The following PLSCR4 variants were observed in gnomAD, a reference collection of about 807,000 sequenced individuals.
PLSCR4 encodes phospholipid scramblase 4, also known as Ca(2+)-dependent phospholipid scramblase 4.
Under a neutral mutation model 36.3 loss-of-function variants are expected in PLSCR4, and 25 were observed. The observed-to-expected ratio is 0.69, with a 90% CI of 0.50 to 0.96. The LOEUF is 0.96. Ranked by LOEUF, PLSCR4 falls within the 40% of genes least tolerant of loss-of-function variation. The pLI is 0.00. For missense variants in PLSCR4, 408 were observed against 414.7 expected (o/e 0.98, Z 0.14); for synonymous variants, 122 against 132.9 (o/e 0.92, Z 0.56).
chr3:146,233,308 T>A (rs73865368), intron 1 of PLSCR4, among the ~76,000 whole-genome samples: 1,686 of 152,214 alleles, frequency 0.011, 33 homozygotes, highest in African/African-American at 0.038. Flanking sequence ...ATTTAATATG[T>A]TAAATTATTT....
At chr3:146,223,656 A>G (rs2108298716) in intron 1 of PLSCR4, 1 of 152,230 alleles carries the variant, frequency 6.6e-6, no homozygotes, top group South Asian at 2.1e-4. Flanking sequence ...ACGAGCCAGT[A>G]TGCAGATTCC....
In PLSCR4 at chr3:146,206,597, C is replaced by A. The variant is rs768117831; in HGVS notation, c.283G>T (p.Val95Phe). Residue 95 changes from valine (V) to phenylalanine (F), a missense_variant, in exon 4 of 9, where the codon GTT becomes TTT. Coordinates refer to ENST00000354952, the MANE Select transcript of PLSCR4 (RefSeq NM_020353.3). ...PGKYPMPNQS[V>F]PITWMPGPTP... ...GGCCCTGGCATCCATGTTATTGGAACAGACTGATTTGGCATAGGATATTTG... is the reference window on the plus strand; with the variant it reads ...GGCCCTGGCATCCATGTTATTGGAAAAGACTGATTTGGCATAGGATATTTG... 1 of 1,613,600 alleles carries A rather than the reference C, an allele frequency of 6.2e-7. No homozygotes were observed. Among genetic ancestry groups the A allele is most frequent in the Admixed American group, 1.7e-5 (1 of 59,920 alleles).
intron 3 of PLSCR4, among the ~76,000 whole-genome samples, chr3:146,219,481 A>G (rs2035043058): frequency 2.0e-5 from 3 of 152,230 alleles, no homozygotes; most frequent in Admixed American, 1.3e-4. Context: ...AGGTTGCGCT[A>G]TTAATGCAGT....
chr3:146,228,119 TG>T (rs1167458156), intron 1 of PLSCR4, among the ~76,000 whole-genome samples: 2 of 152,226 alleles, frequency 1.3e-5, no homozygotes, highest in Non-Finnish European at 2.9e-5. Flanking sequence ...TGATGATGGC[TG>T]GATCAACCTC....
chr3:146,244,704 T>G (rs904951749), intron 1 of PLSCR4, among the ~76,000 whole-genome samples: 3 of 152,050 alleles, frequency 2.0e-5, no homozygotes, highest in Non-Finnish European at 4.4e-5. Flanking sequence ...CCCTATTCCC[T>G]GAGACAAAAC....
At chr3:146,245,233 T>G (rs191160117) in intron 1 of PLSCR4, among the ~76,000 whole-genome samples, 79 of 152,128 alleles carry the variant, frequency 5.2e-4, no homozygotes, top group African/African-American at 1.8e-3. Context: ...TATCCCCTCC[T>G]GGCCCCAACA....
At position 146,193,654 on chromosome 3, in the gene PLSCR4, TA is replaced by T. The variant is rs1381778839; in HGVS notation, c.*756del. ...CTTCATATAATGACACCAATGTCTC[TA>T]AGTTGCTCAGAGATCTTGACTGGCT... On this transcript the variant is annotated 3_prime_UTR_variant, in exon 9 of 9. Transcript: ENST00000354952. 1 of 152,248 alleles carries T rather than the reference TA, an allele frequency of 6.6e-6. No homozygotes were observed. Among genetic ancestry groups the T allele is most frequent in the Non-Finnish European group, 1.5e-5 (1 of 68,042 alleles). 9.4% of individuals were successfully genotyped at this position (152,248 alleles called of 1,614,324 possible). A position where few individuals can be genotyped will look rare whatever the true frequency, so the allele number is the denominator to read the frequency against.
intron 1 of PLSCR4, among the ~76,000 whole-genome samples, chr3:146,226,901 T>C (rs532246113): frequency 7.2e-5 from 11 of 152,238 alleles, no homozygotes; most frequent in South Asian, 2.1e-4. Flanking sequence ...GCCTCACAAG[T>C]TTCAGATACT....
At chr3:146,198,895 G>A (rs1296824235) in intron 6 of PLSCR4, among the ~76,000 whole-genome samples, 1 of 152,084 alleles carries the variant, frequency 6.6e-6, no homozygotes, top group Admixed American at 6.6e-5. Flanking sequence ...TAATAACAAA[G>A]GAGTAAGATT....
intron 3 of PLSCR4, among the ~76,000 whole-genome samples, chr3:146,209,209 T>A (rs2034494392): frequency 1.3e-5 from 2 of 152,050 alleles, no homozygotes; most frequent in South Asian, 4.2e-4. Context: ...AGCTAAGCTA[T>A]GAGGATGCAA....
At chr3:146,224,443 G>A (rs544872510) in intron 1 of PLSCR4, among the ~76,000 whole-genome samples, 2 of 152,072 alleles carry the variant, frequency 1.3e-5, no homozygotes, top group East Asian at 1.9e-4. Flanking sequence ...GGACCCTCGC[G>A]GTGAGTGTTA....
At chr3:146,222,278 G>C in intron 1 of PLSCR4, 186 bp from the exon 2 acceptor site, 1 of 319,016 alleles carries the variant, frequency 3.1e-6, no homozygotes, top group Non-Finnish European at 5.9e-6. Context: ...CAGATGTTGA[G>C]AGTACAGCAA....
intron 3 of PLSCR4, among the ~76,000 whole-genome samples, chr3:146,211,575 T>C (rs1236363772): frequency 2.0e-5 from 3 of 152,106 alleles, no homozygotes; most frequent in Non-Finnish European, 4.4e-5. Context: ...TTTTTGTTGG[T>C]TGTTTGTGCT....
At chr3:146,206,436 T>C in intron 4 of PLSCR4, 90 bp downstream of exon 4, 1 of 894,366 alleles carries the variant, frequency 1.1e-6, no homozygotes, top group South Asian at 1.5e-5. Context: ...ACCCATCTCC[T>C]TTATTCACTC....
chr3:146,227,870 T>C (rs1328109106), intron 1 of PLSCR4, among the ~76,000 whole-genome samples: 1 of 152,206 alleles, frequency 6.6e-6, no homozygotes, highest in Non-Finnish European at 1.5e-5. Context: ...TACCATGATA[T>C]CCCTTTTGTG....
At chr3:146,235,018 A>G (rs1469861794) in intron 1 of PLSCR4, among the ~76,000 whole-genome samples, 1 of 152,206 alleles carries the variant, frequency 6.6e-6, no homozygotes, top group African/African-American at 2.4e-5. Flanking sequence ...AAGAAAATCA[A>G]TTAGCTCCAT....
At chr3:146,206,976 TATAAG>T (rs1446230946) in intron 3 of PLSCR4, among the ~76,000 whole-genome samples, 13 of 152,090 alleles carry the variant, frequency 8.5e-5, no homozygotes, top group Admixed American at 8.5e-4. Flanking sequence ...TCTTAAAGCT[TATAAG>T]ATAATTATTC....
intron 2 of PLSCR4, 55 bp downstream of exon 2, chr3:146,222,010 C>T: frequency 9.5e-7 from 1 of 1,051,890 alleles, no homozygotes; most frequent in Non-Finnish European, 1.3e-6. Flanking sequence ...GGAAAATAAT[C>T]ACAAAATTCA....
At chr3:146,217,115 ATGCC>A (rs2034932760) in intron 3 of PLSCR4, among the ~76,000 whole-genome samples, 1 of 152,220 alleles carries the variant, frequency 6.6e-6, no homozygotes, top group Admixed American at 6.5e-5. Flanking sequence ...ATTCAAATGC[ATGCC>A]TGTCTCCAAG....
Sources: gnomAD v4.1 joint callset for allele counts (sites outside exome capture counted in the v4.1 genomes callset) on GRCh38, gnomAD v4.1.1 for gene constraint, MANE v1.5 for transcripts, NCBI Gene and HGNC (gene_info 2026-07-23, HGNC 2026-07-21) for gene names.